Variants in ANKRD27 observed in about 807,000 individuals in gnomAD.
ANKRD27 encodes ankyrin repeat domain-containing protein 27.
ANKRD27 carries 112 observed loss-of-function variants against 129.7 expected under a neutral mutation model. The ratio of observed to expected loss-of-function variants is 0.86; its 90% CI spans 0.74 to 1.01. ANKRD27 has a LOEUF of 1.01. ANKRD27 is among the 50% of genes least tolerant of loss of function. The pLI is 0.00. For synonymous variants in ANKRD27, 516 were observed against 511.2 expected (o/e 1.01, Z -0.13); for missense variants, 1,258 against 1,300.5 (o/e 0.97, Z 0.50).
intron 10 of ANKRD27, among the ~76,000 whole-genome samples, chr19:32,640,899 T>G (rs960163902): frequency 4.6e-5 from 7 of 151,754 alleles, no homozygotes; most frequent in African/African-American, 9.7e-5. Flanking sequence ...TGTCTCTTTT[T>G]TTTGTTTGTT....
intron 1 of ANKRD27, among the ~76,000 whole-genome samples, chr19:32,668,746 A>G (rs571279380): frequency 6.6e-6 from 1 of 151,652 alleles, no homozygotes; most frequent in Non-Finnish European, 1.5e-5. Context: ...CACCGTGCCC[A>G]GCTAATTTTT....
intron 17 of ANKRD27, among the ~76,000 whole-genome samples, chr19:32,625,155 C>T (rs1345587006): frequency 6.6e-6 from 1 of 151,986 alleles, no homozygotes; most frequent in Non-Finnish European, 1.5e-5. Context: ...ACTCGGGAGG[C>T]TGAGGTGGGA....
At position 32,619,535 on chromosome 19, in the gene ANKRD27, C is replaced by T. The variant is rs771456514; in HGVS notation, c.1846G>A (p.Ala616Thr). Residue 616 changes from alanine (A) to threonine (T), a missense_variant, in exon 19 of 29, where the codon GCC becomes ACC. Physicochemically the swap from Ala to Thr is moderately conservative, Grantham distance 58. Transcript: ENST00000306065. ...LNSKILSVMEAYHLSFERRQK... is the reference protein window; with the variant it reads ...LNSKILSVMETYHLSFERRQK... Reference sequence around the variant, plus strand: ...CTCCTCTCGAAGGACAGGTGATAGGCTTCCATTACAGACAGAATCTAGGGG... The same window carrying T: ...CTCCTCTCGAAGGACAGGTGATAGGTTTCCATTACAGACAGAATCTAGGGG... 4 of 1,614,132 alleles carry T rather than the reference C, an allele frequency of 2.5e-6. No homozygotes were observed. Among genetic ancestry groups the T allele is most frequent in the Admixed American group, 3.3e-5 (2 of 60,014 alleles).
intron 23 of ANKRD27, among the ~76,000 whole-genome samples, chr19:32,607,175 A>C (rs1266250497): frequency 6.8e-6 from 1 of 148,088 alleles, no homozygotes; most frequent in Non-Finnish European, 1.5e-5. Flanking sequence ...AAGGCAAAAA[A>C]CCCCAGCACT....
intron 22 of ANKRD27, chr19:32,608,318 C>CTTT: frequency 1.8e-5 from 4 of 220,226 alleles, no homozygotes; most frequent in South Asian, 1.5e-4. Context: ...GCTAATTTCA[C>CTTT]TTTTTTTTTT....
rs139222409 is a variant in ANKRD27, at chr19:32,657,223, G to C, written c.102+1691C>G. ...TCACACCTGTAATTCCAGCACGCTG[G>C]GGGGCCGAGGCGGGTGGATCACGAG... On this transcript the variant is annotated intron_variant, in intron 2 of 28. Transcript: ENST00000306065. Among the ~76,000 whole-genome samples, 1,306 of 152,166 alleles carry C rather than the reference G, an allele frequency of 8.6e-3. 20 individuals carry two copies. Among genetic ancestry groups the C allele is most frequent in the African/African-American group, 0.03 (1,238 of 41,536 alleles).
chr19:32,649,785 AC>A lies in ANKRD27; in HGVS notation c.109del (p.Val37TyrfsTer22). The A allele has an allele frequency of 1.9e-6, 3 of 1,612,130 alleles. No individual in the cohort carries two copies. The highest frequency in any genetic ancestry group is 1.7e-6 in the Non-Finnish European group (2 of 1,178,230). ...GCTCGACAGGCTTCCTTTGCAGGGT[AC>A]TAAGACCTGGAAAAAACAATTCGGG... ...KVAQIHGIVLVPCKGSLSSSI... is the reference protein window; with the variant it reads ...KVAQIHGIVLXPCKGSLSSSI... On this transcript the variant is annotated frameshift_variant, in exon 3 of 29. Coordinates refer to ENST00000306065, the MANE Select transcript of ANKRD27 (RefSeq NM_032139.3). LOFTEE classifies it high-confidence loss of function.
chr19:32,666,774 G>A (rs746910783), intron 1 of ANKRD27, among the ~76,000 whole-genome samples: 43 of 150,730 alleles, frequency 2.9e-4, no homozygotes, highest in Non-Finnish European at 4.4e-4. Context: ...AGCCTCCCTC[G>A]TAGCTGGGAT....
At chr19:32,651,229 T>C (rs964507214) in intron 2 of ANKRD27, among the ~76,000 whole-genome samples, 2 of 152,186 alleles carry the variant, frequency 1.3e-5, no homozygotes, top group African/African-American at 2.4e-5. Context: ...CCACAGGCAA[T>C]GGGATCTAAA....
At chr19:32,619,700 T>G in intron 18 of ANKRD27, 147 bp from the exon 19 acceptor site, 1 of 947,676 alleles carries the variant, frequency 1.1e-6, no homozygotes, top group Non-Finnish European at 1.6e-6. Context: ...GTCGCACCCT[T>G]GGATAGACAG....
intron 11 of ANKRD27, among the ~76,000 whole-genome samples, chr19:32,639,826 A>ATCTT (rs1967161901): frequency 6.6e-6 from 1 of 152,178 alleles, no homozygotes; most frequent in Admixed American, 6.5e-5. Context: ...AAGAAATGTA[A>ATCTT]GCTCTCCGGG....
At chr19:32,634,352 G>A (rs1343246073) in intron 12 of ANKRD27, among the ~76,000 whole-genome samples, 1 of 152,184 alleles carries the variant, frequency 6.6e-6, no homozygotes, top group Non-Finnish European at 1.5e-5. Flanking sequence ...TCAATTACAG[G>A]CCACAGTAAA....
intron 3 of ANKRD27, among the ~76,000 whole-genome samples, chr19:32,648,075 G>C (rs939640651): frequency 6.6e-6 from 1 of 152,144 alleles, no homozygotes; most frequent in African/African-American, 2.4e-5. Context: ...AGACCAGCCT[G>C]GCTAATATGG....
intron 1 of ANKRD27, chr19:32,666,429 C>T (rs1175395028): frequency 1.3e-5 from 2 of 152,130 alleles, no homozygotes; most frequent in Non-Finnish European, 2.9e-5. Context: ...GATTACAGGT[C>T]AGTGTTCAAC....
At chr19:32,652,612 G>C (rs1407256904) in intron 2 of ANKRD27, among the ~76,000 whole-genome samples, 1 of 151,556 alleles carries the variant, frequency 6.6e-6, no homozygotes. Flanking sequence ...AGAAAGTCCT[G>C]CAGGAGCTGC....
At chr19:32,629,477 C>T (rs1966951326) in intron 13 of ANKRD27, among the ~76,000 whole-genome samples, 4 of 152,032 alleles carry the variant, frequency 2.6e-5, no homozygotes, top group African/African-American at 9.7e-5. Context: ...AGGCAGGTGG[C>T]TCATTTGAGG....
rs560378357 is a variant in ANKRD27, at chr19:32,598,017, A to G, written c.*128T>C. ...TCCTGCCACAGAAAAGCTTTCAGGA[A>G]CTTGGTGCTGAAGACTTCTCAAGCC... On this transcript the variant is annotated 3_prime_UTR_variant, in exon 29 of 29. Coordinates refer to ENST00000306065, the MANE Select transcript of ANKRD27 (RefSeq NM_032139.3). The G allele has an allele frequency of 1.2e-5, 10 of 807,212 alleles. No homozygotes were observed. The highest frequency in any genetic ancestry group is 1.8e-5 in the Non-Finnish European group (9 of 505,602). 50.0% of individuals were successfully genotyped at this position (807,212 alleles called of 1,614,324 possible).
chr19:32,626,860 G>A (rs368035867), intron 15 of ANKRD27, 33 bp from the exon 16 acceptor site: 3 of 1,521,840 alleles, frequency 2.0e-6, no homozygotes, highest in African/African-American at 2.8e-5. Context: ...GATGGAGAAG[G>A]AAGGCGCAGA....
At chr19:32,612,541 A>G (rs981504484) in intron 22 of ANKRD27, among the ~76,000 whole-genome samples, 3 of 152,236 alleles carry the variant, frequency 2.0e-5, no homozygotes, top group African/African-American at 7.2e-5. Flanking sequence ...AGAATCATTC[A>G]ATCCAATACT....
Sources: allele counts gnomAD v4.1 joint callset (sites outside exome capture counted in the v4.1 genomes callset), GRCh38; gene constraint gnomAD v4.1.1; transcripts MANE v1.5; gene names NCBI Gene and HGNC (gene_info 2026-07-23, HGNC 2026-07-21).